Variants in VPS13C observed in about 807,000 individuals in gnomAD.
VPS13C encodes vacuolar protein sorting 13 homolog C.
A neutral mutation model predicts 456.8 loss-of-function variants in VPS13C; 358 were observed. That is an observed-to-expected ratio of 0.78 (90% CI 0.72 to 0.86). VPS13C has a LOEUF of 0.86. Ranked by LOEUF, VPS13C falls within the 40% of genes least tolerant of loss-of-function variation. The pLI is 0.00. For synonymous variants in VPS13C, 1,578 were observed against 1,486.7 expected (o/e 1.06, Z -1.41); for missense variants, 4,818 against 4,385.4 (o/e 1.10, Z -2.79).
intron 8 of VPS13C, among the ~76,000 whole-genome samples, chr15:62,022,122 T>C (rs1469090795): frequency 6.6e-6 from 1 of 151,928 alleles, no homozygotes; most frequent in African/African-American, 2.4e-5. Flanking sequence ...TTTGACATAC[T>C]GACTTCAATT....
In VPS13C at chr15:61,880,699, A is replaced by T. The variant is rs141895961; in HGVS notation, c.9912T>A (p.Ile3304=). 6.3e-7 allele frequency: 1 copy of T among 1,589,602 alleles called. No homozygotes were observed. Among genetic ancestry groups the T allele is most frequent in the Non-Finnish European group, 8.5e-7 (1 of 1,170,736 alleles). ...CCATTAATTCTGCATTTAGAGCATC[A>T]ATATCTTGTTGGATTAACTTTGTCT... The part of the protein sequence containing the change: ...RRRTKLIQQD[I]DALNAELMET... The change falls in exon 73 of 85, where the codon ATT becomes ATA. Residue 3304 remains isoleucine, a synonymous_variant. Transcript: ENST00000644861.
chr15:61,952,988 T>C (rs1197246401), intron 38 of VPS13C, among the ~76,000 whole-genome samples: 1 of 151,720 alleles, frequency 6.6e-6, no homozygotes. Flanking sequence ...CCTCCCAGAG[T>C]ACTGAGATTA....
rs537118522 is a variant in VPS13C, at chr15:61,865,193, G to T, written c.10864-1665C>A. 7.1e-6 allele frequency: 7 copies of T among 984,656 alleles called. No homozygotes were observed. In the East Asian group the frequency reaches 7.9e-4, roughly 112 times the overall value. The allele number at this position is 984,656 out of a possible 1,614,324, so 61.0% of individuals were successfully genotyped here. ...AGGAATTTAACAATACTTTGCAAAAGCCCTTTACCCAGTAATTCAATTTTT... is the reference window on the plus strand; with the variant it reads ...AGGAATTTAACAATACTTTGCAAAATCCCTTTACCCAGTAATTCAATTTTT... On this transcript the variant is annotated intron_variant, in intron 81 of 84. Coordinates refer to ENST00000644861, the MANE Select transcript of VPS13C (RefSeq NM_020821.3).
rs1464165119 is a variant in VPS13C, at chr15:61,936,696, G to T, written c.5656C>A (p.Leu1886Ile). 6.2e-7 allele frequency: 1 copy of T among 1,612,366 alleles called. No individual in the cohort carries two copies. Among genetic ancestry groups the T allele is most frequent in the African/African-American group, 1.3e-5 (1 of 74,752 alleles). The change falls in exon 48 of 85, where the codon CTT becomes ATT. Residue 1886 changes from leucine to isoleucine, a missense_variant. This residue lies in a region of VPS13C where 4,552 missense variants were observed against 4,130.6 expected (regional missense o/e 1.10). Transcript: ENST00000644861. The part of the protein sequence containing the change: ...TVLMKILLEN[L>I]GEASSQPSPT... ...CTTGGTTGTGAGGAAGCTTCTCCAA[G>T]ATTTTCTAGCAAAATTTTCATTAAA...
At chr15:61,946,281 A>C in intron 44 of VPS13C, 26 bp downstream of exon 44, 1 of 1,520,710 alleles carries the variant, frequency 6.6e-7, no homozygotes, top group Non-Finnish European at 8.9e-7. Context: ...AATAAATTCC[A>C]ATATAAAAAT....
chr15:61,878,496 T>C (rs1895619844), intron 74 of VPS13C, 111 bp downstream of exon 74: 1 of 1,373,930 alleles, frequency 7.3e-7, no homozygotes, highest in Non-Finnish European at 9.8e-7. Flanking sequence ...CAAATATAAG[T>C]AGTAAAGTTA....
At chr15:61,890,640 T>C (rs1410754737) in intron 66 of VPS13C, among the ~76,000 whole-genome samples, 2 of 152,214 alleles carry the variant, frequency 1.3e-5, no homozygotes, top group Non-Finnish European at 2.9e-5. Context: ...AATTACCTAC[T>C]GAGTGCTGAA....
chr15:61,897,137 C>T (rs2042848143), intron 66 of VPS13C, among the ~76,000 whole-genome samples: 1 of 152,140 alleles, frequency 6.6e-6, no homozygotes. Context: ...GTAGATAAAA[C>T]CACAAAGATG....
Position 61,922,460 on chromosome 15 carries a change from C to T in VPS13C, c.6912G>A (p.Lys2304=), listed in dbSNP as rs934530153. The T allele has an allele frequency of 6.2e-7, 1 of 1,613,958 alleles. No individual in the cohort carries two copies. Among genetic ancestry groups the T allele is most frequent in the South Asian group, 1.1e-5 (1 of 91,058 alleles). Residue 2304 remains lysine (K), a synonymous_variant, in exon 54 of 85, where the codon AAG becomes AAA. Coordinates refer to ENST00000644861, the MANE Select transcript of VPS13C (RefSeq NM_020821.3). The part of the protein sequence containing the change: ...RTVPLLLAES[K]FSGNIKNWTS... Reference sequence around the variant, plus strand: ...TCCAATTTTTAATATTTCCTGAAAACTTAGACTCTGCCAATAATAAAGGTA... The same window carrying T: ...TCCAATTTTTAATATTTCCTGAAAATTTAGACTCTGCCAATAATAAAGGTA...
At chr15:61,913,181 G>A in intron 62 of VPS13C, 130 bp downstream of exon 62, 1 of 751,876 alleles carries the variant, frequency 1.3e-6, no homozygotes. Flanking sequence ...CCATTACTGG[G>A]TATATACCCA....
chr15:61,880,302 C>T (rs566337705), intron 73 of VPS13C, among the ~76,000 whole-genome samples: 1 of 152,214 alleles, frequency 6.6e-6, no homozygotes, highest in East Asian at 1.9e-4. Context: ...ATAGTAGTTA[C>T]AAAGTGCAAC....
intron 5 of VPS13C, among the ~76,000 whole-genome samples, chr15:62,031,421 G>A (rs1482949657): frequency 6.6e-6 from 1 of 151,740 alleles, no homozygotes; most frequent in African/African-American, 2.4e-5. Flanking sequence ...TAAAGGTCAG[G>A]GTTGTCCTCT....
At chr15:61,947,403 G>A (rs2044643275) in intron 42 of VPS13C, 94 bp from the exon 43 acceptor site, 3 of 861,968 alleles carry the variant, frequency 3.5e-6, no homozygotes, top group Non-Finnish European at 5.4e-6. Flanking sequence ...AGTACCCAAT[G>A]TACTCTGAGG....
chr15:61,876,846 C>A, intron 75 of VPS13C, 127 bp downstream of exon 75: 6 of 608,730 alleles, frequency 9.9e-6, no homozygotes, highest in South Asian at 9.7e-5. Flanking sequence ...TGAAGAAAGC[C>A]ACTAAATACG....
At chr15:62,011,375 C>A (rs895054799) in intron 12 of VPS13C, among the ~76,000 whole-genome samples, 1 of 152,006 alleles carries the variant, frequency 6.6e-6, no homozygotes, top group Non-Finnish European at 1.5e-5. Flanking sequence ...AATGATTTCA[C>A]AAACTAGCAG....
chr15:62,021,566 T>A (rs970058786), intron 8 of VPS13C, among the ~76,000 whole-genome samples: 2 of 151,898 alleles, frequency 1.3e-5, no homozygotes, highest in Admixed American at 1.3e-4. Flanking sequence ...AATTGTTTGG[T>A]CATGGCAGAA....
chr15:61,884,365 T>A, intron 67 of VPS13C, 96 bp from the exon 68 acceptor site: 3 of 1,304,602 alleles, frequency 2.3e-6, no homozygotes, highest in Non-Finnish European at 3.1e-6. Context: ...TATTTTCCTA[T>A]GAAAATTACA....
At chr15:61,917,823 G>A (rs1362542885) in intron 59 of VPS13C, among the ~76,000 whole-genome samples, 188 bp from the exon 60 acceptor site, 1 of 151,924 alleles carries the variant, frequency 6.6e-6, no homozygotes, top group Non-Finnish European at 1.5e-5. Flanking sequence ...GCTAACTTAC[G>A]GAGGACTTTC....
At chr15:62,037,283 ATATAT>A (rs1171945315) in intron 3 of VPS13C, among the ~76,000 whole-genome samples, 5 of 50,488 alleles carry the variant, frequency 9.9e-5, no homozygotes, top group East Asian at 1.3e-3. Flanking sequence ...AATATATTAT[ATATAT>A]TATATTATAT....
Sources: allele counts gnomAD v4.1 joint callset (sites outside exome capture counted in the v4.1 genomes callset), GRCh38; gene constraint gnomAD v4.1.1; regional missense constraint gnomAD v4.1.1; transcripts MANE v1.5; gene names NCBI Gene and HGNC (gene_info 2026-07-23, HGNC 2026-07-21).